Variants in MAP2 observed in about 807,000 individuals in gnomAD.
MAP2 encodes the protein microtubule-associated protein 2.
Under a neutral mutation model 137.6 loss-of-function variants are expected in MAP2, and 14 were observed. The ratio of observed to expected loss-of-function variants is 0.10; its 90% CI spans 0.07 to 0.16. The LOEUF (loss-of-function observed/expected upper bound fraction) is 0.16, where lower values mean the gene tolerates loss of function less well. Among genes scored for constraint, MAP2 ranks in the 10% least tolerant of loss-of-function variants. The probability of loss-of-function intolerance (pLI) is 1.00; values close to 1 mark genes in which losing one functional copy is unlikely to be tolerated. For missense variants in MAP2, 2,088 were observed against 2,191.5 expected, an observed-to-expected ratio of 0.95 and a Z score of 0.94; for synonymous variants, 786 against 782.3, an observed-to-expected ratio of 1.00 and a Z score of -0.08.
intron 2 of MAP2, among the ~76,000 whole-genome samples, chr2:209,572,070 G>A (rs1029473195): frequency 6.6e-6 from 1 of 151,366 alleles, no homozygotes; most frequent in Non-Finnish European, 1.5e-5. Context: ...ACATACATTT[G>A]GATAAGAATA....
intron 1 of MAP2, among the ~76,000 whole-genome samples, chr2:209,469,820 T>C (rs541230728): frequency 6.6e-6 from 1 of 152,326 alleles, no homozygotes; most frequent in East Asian, 1.9e-4. Context: ...ACACTAGGAT[T>C]TGAGTTCTAG....
At chr2:209,431,334 G>T (rs1694224997) in intron 1 of MAP2, among the ~76,000 whole-genome samples, 1 of 152,112 alleles carries the variant, frequency 6.6e-6, no homozygotes, top group Admixed American at 6.5e-5. Flanking sequence ...TACTGGATTA[G>T]AAGGACTGTG....
chr2:209,567,338 C>T (rs935398771), intron 2 of MAP2, among the ~76,000 whole-genome samples: 1 of 152,000 alleles, frequency 6.6e-6, no homozygotes, highest in African/African-American at 2.4e-5. Context: ...TAAATGATTC[C>T]GTAACTATTT....
At chr2:209,667,304 G>A (rs1183721734) in intron 5 of MAP2, among the ~76,000 whole-genome samples, 2 of 151,868 alleles carry the variant, frequency 1.3e-5, no homozygotes, top group African/African-American at 4.8e-5. Flanking sequence ...CTGGTTTCAT[G>A]AGAGTTTTTA....
At chr2:209,600,999 C>G (rs2082824999) in intron 3 of MAP2, among the ~76,000 whole-genome samples, 1 of 152,184 alleles carries the variant, frequency 6.6e-6, no homozygotes, top group Non-Finnish European at 1.5e-5. Flanking sequence ...CAGGATTAGA[C>G]TTCTCACAAT....
intron 1 of MAP2, among the ~76,000 whole-genome samples, chr2:209,447,915 T>A (rs1457190407): frequency 6.6e-6 from 1 of 152,138 alleles, no homozygotes; most frequent in African/African-American, 2.4e-5. Context: ...ATTCTGCTTT[T>A]AAAGCAGCCC....
At chr2:209,465,570 A>G (rs993148986) in intron 1 of MAP2, among the ~76,000 whole-genome samples, 1 of 152,144 alleles carries the variant, frequency 6.6e-6, no homozygotes, top group African/African-American at 2.4e-5. Flanking sequence ...TTGAAAAGCA[A>G]ACCTGGGTTT....
At chr2:209,647,301 G>C (rs374698865) in intron 4 of MAP2, among the ~76,000 whole-genome samples, 2 of 152,212 alleles carry the variant, frequency 1.3e-5, no homozygotes, top group South Asian at 4.1e-4. Flanking sequence ...CACAGATCCA[G>C]ACCATATCAC....
intron 1 of MAP2, among the ~76,000 whole-genome samples, chr2:209,456,748 G>A (rs536138723): frequency 1.6e-4 from 25 of 152,290 alleles, no homozygotes; most frequent in African/African-American, 5.3e-4. Flanking sequence ...TACTTCCTTA[G>A]GTCAGACATT....
In MAP2 at chr2:209,694,240, T is replaced by G. The variant is rs758757463; in HGVS notation, c.2070T>G (p.Gly690=). The G allele has an allele frequency of 3.1e-6, 5 of 1,614,022 alleles. No homozygotes were observed. Among genetic ancestry groups the G allele is most frequent in the Non-Finnish European group, 4.2e-6 (5 of 1,179,976 alleles). ...CCCTTAGCAGGAGTTTAGGACTTGG[T>G]GGTAGGTCTGCAATAGAACAAAGAA... ...DLTLSRSLGL[G]GRSAIEQRSM... Residue 690 remains glycine (G), a synonymous_variant, in exon 8 of 16, where the codon GGT becomes GGG. Coordinates refer to ENST00000682079, the MANE Select transcript of MAP2 (RefSeq NM_001375505.1).
intron 14 of MAP2, among the ~76,000 whole-genome samples, chr2:209,727,964 C>CA (rs1021812158): frequency 1.3e-5 from 2 of 151,926 alleles, no homozygotes; most frequent in Non-Finnish European, 2.9e-5. Context: ...TCCATCTCTA[C>CA]AAAAAAATTA....
intron 1 of MAP2, among the ~76,000 whole-genome samples, chr2:209,472,303 G>A (rs747534249): frequency 1.8e-4 from 27 of 152,090 alleles, no homozygotes; most frequent in Non-Finnish European, 3.4e-4. Context: ...GATTTAAGTT[G>A]GTGACTAGGT....
intron 1 of MAP2, among the ~76,000 whole-genome samples, chr2:209,468,008 G>A (rs990899194): frequency 2.1e-4 from 32 of 151,996 alleles, no homozygotes; most frequent in African/African-American, 7.2e-4. Flanking sequence ...CTTATGACAG[G>A]GATCACATTT....
At chr2:209,660,385 ATTTTTTT>A (rs869139522) in intron 5 of MAP2, among the ~76,000 whole-genome samples, 8 of 64,268 alleles carry the variant, frequency 1.2e-4, no homozygotes, top group Middle Eastern at 0.014. Flanking sequence ...TGTTGCTGCA[ATTTTTTT>A]TTTTTTTTTT....
intron 5 of MAP2, among the ~76,000 whole-genome samples, chr2:209,673,468 A>G (rs2049818375): frequency 6.6e-6 from 1 of 151,854 alleles, no homozygotes; most frequent in Non-Finnish European, 1.5e-5. Context: ...TTCATTCACA[A>G]AAGACAGAAT....
intron 2 of MAP2, among the ~76,000 whole-genome samples, chr2:209,526,378 G>A (rs886334973): frequency 1.3e-5 from 2 of 151,886 alleles, no homozygotes; most frequent in African/African-American, 4.8e-5. Flanking sequence ...TGGAAGTGGA[G>A]GGAAATCCAA....
At chr2:209,615,986 C>T (rs1362289101) in intron 3 of MAP2, among the ~76,000 whole-genome samples, 2 of 152,210 alleles carry the variant, frequency 1.3e-5, no homozygotes, top group East Asian at 3.9e-4. Flanking sequence ...AGAACTTTCC[C>T]ACCTTCGGGT....
intron 8 of MAP2, 59 bp from the exon 9 acceptor site, chr2:209,696,483 C>T (rs1165485618): frequency 2.0e-6 from 3 of 1,498,852 alleles, no homozygotes; most frequent in African/African-American, 1.4e-5. Flanking sequence ...GGATTTTGTA[C>T]ACTTGTTACT....
intron 1 of MAP2, among the ~76,000 whole-genome samples, chr2:209,450,846 A>G (rs980392228): frequency 3.3e-5 from 5 of 152,194 alleles, no homozygotes; most frequent in Admixed American, 1.3e-4. Flanking sequence ...AATGGGCAGT[A>G]TAGTATATAA....
Sources: allele counts gnomAD v4.1 joint callset (sites outside exome capture counted in the v4.1 genomes callset), GRCh38; gene constraint gnomAD v4.1.1; transcripts MANE v1.5; gene names NCBI Gene and HGNC (gene_info 2026-07-23, HGNC 2026-07-21).